SLIT3: variants seen among roughly 807,000 people sequenced by gnomAD.
SLIT3 encodes slit homolog 3 protein.
In SLIT3, 68 loss-of-function variants were observed where a neutral mutation model predicts 184.0. The ratio of observed to expected loss-of-function variants is 0.37; its 90% CI spans 0.30 to 0.45. The LOEUF (loss-of-function observed/expected upper bound fraction) is 0.45. Ranked by LOEUF, SLIT3 falls within the 20% of genes least tolerant of loss-of-function variation. SLIT3 has a pLI of 1.00. For missense variants in SLIT3, 1,707 were observed against 2,026.0 expected (o/e 0.84, Z 3.02); for synonymous variants, 831 against 828.6 (o/e 1.00, Z -0.05).
chr5:168,991,413 G>A (rs1755322803), intron 4 of SLIT3, among the ~76,000 whole-genome samples: 1 of 152,194 alleles, frequency 6.6e-6, no homozygotes, highest in Non-Finnish European at 1.5e-5. Context: ...GGAAGCAGGT[G>A]GAGAGCCTAC....
chr5:169,161,242 C>T (rs1336601957), intron 4 of SLIT3, among the ~76,000 whole-genome samples: 2 of 152,220 alleles, frequency 1.3e-5, no homozygotes, highest in Non-Finnish European at 2.9e-5. Context: ...TTGTGGTCGG[C>T]CGCTAATTCA....
chr5:169,077,204 T>G (rs1758779051), intron 4 of SLIT3, among the ~76,000 whole-genome samples: 1 of 152,302 alleles, frequency 6.6e-6, no homozygotes, highest in Middle Eastern at 3.4e-3. Flanking sequence ...CTTCCTTGTG[T>G]TTTTCCTAAT....
chr5:168,756,752 A>G (rs1323504041), intron 16 of SLIT3, among the ~76,000 whole-genome samples: 1 of 152,210 alleles, frequency 6.6e-6, no homozygotes, highest in Non-Finnish European at 1.5e-5. Flanking sequence ...GAATGCCAGA[A>G]GAGAAGGCTT....
chr5:168,761,536 A>C, intron 15 of SLIT3, among the ~76,000 whole-genome samples: 1 of 152,028 alleles, frequency 6.6e-6, no homozygotes, highest in African/African-American at 2.4e-5. Context: ...CATCTTTCTT[A>C]GTCTCCCCAA....
intron 5 of SLIT3, among the ~76,000 whole-genome samples, chr5:168,875,600 C>CAA: frequency 6.6e-6 from 1 of 151,522 alleles, no homozygotes; most frequent in South Asian, 2.1e-4. Context: ...CGCCACTGCA[C>CAA]CCCGGCCTGG....
intron 23 of SLIT3, among the ~76,000 whole-genome samples, chr5:168,714,524 A>G (rs1012439377): frequency 2.0e-5 from 3 of 152,200 alleles, no homozygotes; most frequent in African/African-American, 7.2e-5. Context: ...CAGAGGTTAC[A>G]GTGAGCCAAG....
At chr5:168,820,022 T>C (rs568035158) in intron 7 of SLIT3, among the ~76,000 whole-genome samples, 1 of 152,304 alleles carries the variant, frequency 6.6e-6, no homozygotes, top group Non-Finnish European at 1.5e-5. Flanking sequence ...GCTGGGTAGA[T>C]TCTTGCCTTT....
chr5:169,149,872 C>T (rs1268007218), intron 4 of SLIT3, among the ~76,000 whole-genome samples: 2 of 152,168 alleles, frequency 1.3e-5, no homozygotes, highest in South Asian at 2.1e-4. Context: ...CTAGATGAGA[C>T]CCTCTACTTT....
intron 4 of SLIT3, among the ~76,000 whole-genome samples, chr5:169,030,860 G>A (rs1190608118): frequency 1.3e-5 from 2 of 152,196 alleles, no homozygotes; most frequent in Non-Finnish European, 2.9e-5. Context: ...TGGTATGGTT[G>A]GGAATAGAAT....
Position 168,707,968 on chromosome 5 carries a change from C to T in SLIT3, c.2844+8G>A, listed in dbSNP as rs767817820. Reference sequence around the variant, plus strand: ...CATGAACACGGGGGGGCAGGGCCTCCAGCATACCTTGTAGCTGTAGGGGCA... The same window carrying T: ...CATGAACACGGGGGGGCAGGGCCTCTAGCATACCTTGTAGCTGTAGGGGCA... On this transcript the variant is annotated splice_region_variant and intron_variant, in intron 26 of 35. Coordinates refer to ENST00000519560, the MANE Select transcript of SLIT3 (RefSeq NM_003062.4). The T allele has an allele frequency of 6.2e-7, 1 of 1,614,074 alleles. No individual in the cohort carries two copies. The highest frequency in any genetic ancestry group is 8.5e-7 in the Non-Finnish European group (1 of 1,179,994).
chr5:168,938,592 C>A (rs1207341106), intron 4 of SLIT3, among the ~76,000 whole-genome samples: 2 of 151,998 alleles, frequency 1.3e-5, no homozygotes, highest in African/African-American at 2.4e-5. Context: ...TATTTTGAAT[C>A]TCCTTCCCCT....
chr5:168,711,794 C>T (rs907209136), intron 24 of SLIT3, among the ~76,000 whole-genome samples: 1 of 152,142 alleles, frequency 6.6e-6, no homozygotes, highest in Non-Finnish European at 1.5e-5. Context: ...CAAACTTTAG[C>T]TAGTCACCTA....
chr5:168,953,568 T>C (rs10066495), intron 4 of SLIT3, among the ~76,000 whole-genome samples: 73,241 of 152,084 alleles, frequency 0.48, 18,828 homozygotes, highest in African/African-American at 0.67. Context: ...GATAACTATC[T>C]CACAAGGCTG....
chr5:169,198,082 A>T (rs1763796527), intron 3 of SLIT3, among the ~76,000 whole-genome samples: 1 of 152,134 alleles, frequency 6.6e-6, no homozygotes. Flanking sequence ...CCAAGCATTC[A>T]CTCATCCGTC....
chr5:168,768,335 C>A, intron 14 of SLIT3: 1 of 463,120 alleles, frequency 2.2e-6, no homozygotes. Context: ...GAAGCCGGAG[C>A]AGGCCCCCAC....
chr5:168,699,478 C>G (rs1762156135), intron 27 of SLIT3, among the ~76,000 whole-genome samples: 2 of 152,180 alleles, frequency 1.3e-5, no homozygotes, highest in Non-Finnish European at 2.9e-5. Flanking sequence ...TTGGTCAGAG[C>G]CACAGGCCAG....
rs144146594 is a variant in SLIT3 at position 168,866,730 on chromosome 5, C to A, written c.485+16535G>T. On this transcript the variant is annotated intron_variant, in intron 5 of 35. Coordinates refer to ENST00000519560, the MANE Select transcript of SLIT3 (RefSeq NM_003062.4). ...ATGTGACCTTGGACAAACTACCTAACCTTGCTGAGTCCGAGTTTCTTCATC... is the reference window on the plus strand; with the variant it reads ...ATGTGACCTTGGACAAACTACCTAAACTTGCTGAGTCCGAGTTTCTTCATC... Among the ~76,000 whole-genome samples the A allele has an allele frequency of 6.3e-3, 957 of 152,296 alleles. 8 individuals are homozygous for A. Among genetic ancestry groups the A allele is most frequent in the Non-Finnish European group, 9.2e-3 (625 of 68,032 alleles).
At chr5:169,121,256 T>C (rs144263404) in intron 4 of SLIT3, among the ~76,000 whole-genome samples, 3 of 152,326 alleles carry the variant, frequency 2.0e-5, no homozygotes, top group East Asian at 3.9e-4. Flanking sequence ...CTCCAATACC[T>C]TAAACCTTTC....
At chr5:168,801,572 C>T (rs1376893981) in intron 9 of SLIT3, among the ~76,000 whole-genome samples, 1 of 152,162 alleles carries the variant, frequency 6.6e-6, no homozygotes, top group Non-Finnish European at 1.5e-5. Context: ...TGGGGAGATA[C>T]AGAGCAAAAG....
Sources: allele counts gnomAD v4.1 joint callset (sites outside exome capture counted in the v4.1 genomes callset), GRCh38; gene constraint gnomAD v4.1.1; transcripts MANE v1.5; gene names NCBI Gene and HGNC (gene_info 2026-07-23, HGNC 2026-07-21).